The following TPR variants were observed in gnomAD, a reference collection of about 807,000 sequenced individuals.
TPR encodes nucleoprotein TPR.
Under a neutral mutation model 316.1 loss-of-function variants are expected in TPR, and 51 were observed. The ratio of observed to expected loss-of-function variants is 0.16; its 90% CI spans 0.13 to 0.20. The LOEUF (loss-of-function observed/expected upper bound fraction) is 0.20. Among genes scored for constraint, TPR ranks in the 10% least tolerant of loss-of-function variants. The pLI is 1.00. For missense variants in TPR, 2,272 were observed against 2,754.8 expected (o/e 0.82, Z 3.92); for synonymous variants, 981 against 914.7 (o/e 1.07, Z -1.31).
At chr1:186,328,001 T>G (rs567578356) in intron 39 of TPR, among the ~76,000 whole-genome samples, 2 of 152,216 alleles carry the variant, frequency 1.3e-5, no homozygotes, top group East Asian at 3.9e-4. Context: ...GCCAGGCTGG[T>G]CTCGAACTCC....
In TPR at chr1:186,317,600, A is replaced by G. The variant is rs1032579577; in HGVS notation, c.6822T>C (p.Gly2274=). 1.9e-6 allele frequency: 3 copies of G among 1,613,102 alleles called. No homozygotes were observed. Among genetic ancestry groups the G allele is most frequent in the Admixed American group, 3.3e-5 (2 of 59,938 alleles). ...DEVFVEAESE[G]ISSEAGLEID... ...TTTCTAGGCCTGCTTCTGAACTAAT[A>G]CTAAGGAAAAGAAAAATGAGAAAAT... The change falls in exon 49 of 51, where the codon GGT becomes GGC. Residue 2274 remains glycine (G), a splice_region_variant and synonymous_variant. Coordinates refer to ENST00000367478, the MANE Select transcript of TPR (RefSeq NM_003292.3).
At chr1:186,343,794 G>T in intron 26 of TPR, 112 bp downstream of exon 26, 1 of 1,028,606 alleles carries the variant, frequency 9.7e-7, no homozygotes, top group Non-Finnish European at 1.4e-6. Context: ...ACAAATAAAA[G>T]AATGAACTTT....
chr1:186,357,290 C>G, intron 14 of TPR, 107 bp downstream of exon 14: 4 of 1,050,520 alleles, frequency 3.8e-6, no homozygotes, highest in Non-Finnish European at 5.6e-6. Flanking sequence ...TCAAATGATA[C>G]CCCATTTAGG....
chr1:186,325,303 C>A (rs1469934019), intron 42 of TPR, among the ~76,000 whole-genome samples: 1 of 152,116 alleles, frequency 6.6e-6, no homozygotes, highest in Non-Finnish European at 1.5e-5. Context: ...CAGTGGACCT[C>A]CAGGACTTAT....
intron 2 of TPR, 126 bp from the exon 3 acceptor site, chr1:186,371,169 G>A: frequency 1.4e-6 from 1 of 711,500 alleles, no homozygotes; most frequent in Non-Finnish European, 2.3e-6. Context: ...AGACTGCATT[G>A]TACATCACAT....
intron 13 of TPR, 34 bp from the exon 14 acceptor site, chr1:186,357,657 T>A: frequency 1.3e-6 from 2 of 1,564,826 alleles, no homozygotes; most frequent in Non-Finnish European, 1.7e-6. Context: ...TATAAAATAG[T>A]ATTAGTTACA....
intron 2 of TPR, among the ~76,000 whole-genome samples, chr1:186,372,321 C>T (rs1421882697): frequency 6.6e-6 from 1 of 152,184 alleles, no homozygotes. Flanking sequence ...GCGGGAGAAT[C>T]GCTCGAGGCC....
intron 2 of TPR, among the ~76,000 whole-genome samples, chr1:186,372,836 T>G (rs974149293): frequency 3.9e-5 from 6 of 152,206 alleles, no homozygotes; most frequent in African/African-American, 1.4e-4. Context: ...CAATCTTTTA[T>G]AGGAATTAGG....
chr1:186,361,585 T>A, intron 9 of TPR, 37 bp downstream of exon 9: 4 of 1,549,024 alleles, frequency 2.6e-6, no homozygotes, highest in South Asian at 2.3e-5. Flanking sequence ...AAGAGTACAA[T>A]AACAAAAATA....
chr1:186,333,155 G>T lies in TPR; in HGVS notation c.5422C>A (p.Arg1808=). The T allele has an allele frequency of 6.2e-7, 1 of 1,613,390 alleles. No homozygotes were observed. Among genetic ancestry groups the T allele is most frequent in the Non-Finnish European group, 8.5e-7 (1 of 1,179,578 alleles). The change falls in exon 37 of 51, where the codon CGG becomes AGG. Residue 1808 remains arginine (R), a synonymous_variant. Coordinates refer to ENST00000367478, the MANE Select transcript of TPR (RefSeq NM_003292.3). ...VEVVQSSPVE[R]PSTSTAVFGT... is the part of the protein sequence containing the mutation. ...AATACTGCTGTGGAAGTAGAAGGCC[G>T]CTCAACTGGTGAACTCTGAACAACC...
intron 2 of TPR, among the ~76,000 whole-genome samples, chr1:186,371,357 G>A (rs910310096): frequency 6.6e-6 from 1 of 152,076 alleles, no homozygotes; most frequent in Non-Finnish European, 1.5e-5. Flanking sequence ...TATATCATAA[G>A]AAACAGTGAA....
In TPR at chr1:186,352,746, T is replaced by A. The variant is rs142956483; in HGVS notation, c.2335-636A>T. Among the ~76,000 whole-genome samples, 565 of 152,306 alleles carry A rather than the reference T, an allele frequency of 3.7e-3. 5 individuals carry two copies. Among genetic ancestry groups the A allele is most frequent in the African/African-American group, 0.013 (548 of 41,562 alleles). On this transcript the variant is annotated intron_variant, in intron 18 of 50. Transcript: ENST00000367478. The stretch of plus-strand genomic sequence containing the variant: ...GATAAAAATAAAGAATACAGCCTTA[T>A]AAGAGCATTATAAGACATGGGTTCA...
In TPR at chr1:186,311,976, A is replaced by G. The variant is rs1367822482; in HGVS notation, c.*1995T>C. The G allele has an allele frequency of 1.9e-5, 11 of 576,544 alleles. No individual in the cohort carries two copies. The highest frequency in any genetic ancestry group is 3.3e-5 in the Non-Finnish European group (11 of 330,420). 35.7% of individuals were successfully genotyped at this position (576,544 alleles called of 1,614,324 possible). A position where few individuals can be genotyped will look rare whatever the true frequency, so the allele number is the denominator to read the frequency against. ...AATATATAACTATGTAATTTGCTGCATCTATTCATTCAACAAGTATTTCAG... is the reference window on the plus strand; with the variant it reads ...AATATATAACTATGTAATTTGCTGCGTCTATTCATTCAACAAGTATTTCAG... On this transcript the variant is annotated 3_prime_UTR_variant, in exon 51 of 51. Coordinates refer to ENST00000367478, the MANE Select transcript of TPR (RefSeq NM_003292.3).
rs1180136967 is a variant in TPR at position 186,343,398 on chromosome 1, T to C, written c.3678A>G (p.Gln1226=). Reference sequence around the variant, plus strand: ...GCTCTCTTTCTAAAAGTTCAACCCTTTGTCGATAACGCAGACTCTCAACCT... The same window carrying C: ...GCTCTCTTTCTAAAAGTTCAACCCTCTGTCGATAACGCAGACTCTCAACCT... ...VAQVESLRYR[Q]RVELLERELQ... is the part of the protein sequence containing the mutation. The change falls in exon 27 of 51, where the codon CAA becomes CAG. Residue 1226 remains glutamine, a synonymous_variant. Transcript: ENST00000367478. 3 of 1,614,128 alleles carry C rather than the reference T, an allele frequency of 1.9e-6. No homozygotes were observed. Among genetic ancestry groups the C allele is most frequent in the Non-Finnish European group, 2.5e-6 (3 of 1,179,996 alleles).
chr1:186,356,969 T>C (rs925767235), intron 14 of TPR, among the ~76,000 whole-genome samples: 3 of 152,210 alleles, frequency 2.0e-5, no homozygotes, highest in African/African-American at 7.2e-5. Context: ...GGAGTAGAAA[T>C]TTTTTGTTTG....
At chr1:186,337,261 T>C (rs1392149019) in intron 31 of TPR, 105 bp from the exon 32 acceptor site, 3 of 1,350,488 alleles carry the variant, frequency 2.2e-6, no homozygotes, top group Non-Finnish European at 2.0e-6. Flanking sequence ...AGAAATTTTA[T>C]CCCTGAAGGT....
intron 38 of TPR, 53 bp downstream of exon 38, chr1:186,332,142 G>C: frequency 6.5e-7 from 1 of 1,548,320 alleles, no homozygotes; most frequent in Non-Finnish European, 8.7e-7. Flanking sequence ...GCTGAAAAGA[G>C]TACCTTAACT....
intron 10 of TPR, among the ~76,000 whole-genome samples, 195 bp downstream of exon 10, chr1:186,360,570 C>T (rs1659155759): frequency 6.6e-6 from 1 of 151,974 alleles, no homozygotes; most frequent in Non-Finnish European, 1.5e-5. Context: ...TGTGTGTGAT[C>T]AAATGGTATT....
rs528024380 is a variant in TPR at position 186,316,785 on chromosome 1, C to T, written c.6940+697G>A. Among the ~76,000 whole-genome samples the T allele has an allele frequency of 5.3e-5, 8 of 152,260 alleles. No homozygotes were observed. The East Asian group carries it at 1.5e-3, about 29-fold the overall frequency. ...TCTATAAAATGTGGATGAATATCTA[C>T]CGCACTGAGTTGCGAGAATCAAATA... On this transcript the variant is annotated intron_variant, in intron 49 of 50. Transcript: ENST00000367478.
Sources: allele counts gnomAD v4.1 joint callset (sites outside exome capture counted in the v4.1 genomes callset), GRCh38; gene constraint gnomAD v4.1.1; transcripts MANE v1.5; gene names NCBI Gene and HGNC (gene_info 2026-07-23, HGNC 2026-07-21).